LIMCH1: variants seen among roughly 807,000 people sequenced by gnomAD.
LIMCH1 encodes the protein LIM and calponin homology domains-containing protein 1.
A neutral mutation model predicts 176.5 loss-of-function variants in LIMCH1; 113 were observed. The ratio of observed to expected loss-of-function variants is 0.64; its 90% CI spans 0.55 to 0.75. LIMCH1 has a LOEUF of 0.75. LIMCH1 is among the 30% of genes least tolerant of loss of function. LIMCH1 has a pLI of 0.00. For synonymous variants in LIMCH1, 619 were observed against 645.9 expected, an observed-to-expected ratio of 0.96 and a Z score of 0.63; for missense variants, 1,674 against 1,814.9, an observed-to-expected ratio of 0.92 and a Z score of 1.41.
intron 2 of LIMCH1, among the ~76,000 whole-genome samples, chr4:41,501,041 G>A (rs1283705667): frequency 1.3e-5 from 2 of 152,188 alleles, no homozygotes; most frequent in African/African-American, 4.8e-5. Flanking sequence ...CACCCCGGGA[G>A]ATGACATATT....
In LIMCH1 at chr4:41,631,353, A is replaced by G. The variant is rs760004532; in HGVS notation, c.1477A>G (p.Arg493Gly). Residue 493 changes from arginine (R) to glycine (G), a missense_variant, in exon 10 of 32, where the codon AGA becomes GGA. Arg to Gly is a moderately radical substitution (Grantham distance 125). Coordinates refer to ENST00000503057, the MANE Select transcript of LIMCH1 (RefSeq NM_001330672.2). Reference protein sequence around the residue: ...KRLSIGKAGPREDEEEVICHG... With the variant: ...KRLSIGKAGPGEDEEEVICHG... ...GCTTAGCATTGGCAAGGCTGGGCCT[A>G]GAGAGGATGAAGAAGAAGTCATCTG... The G allele has an allele frequency of 2.0e-6, 3 of 1,536,222 alleles. No homozygotes were observed. In the South Asian group the frequency reaches 3.6e-5, roughly 18 times the overall value.
chr4:41,658,590 C>T (rs2094526482), intron 18 of LIMCH1, among the ~76,000 whole-genome samples: 1 of 152,140 alleles, frequency 6.6e-6, no homozygotes, highest in African/African-American at 2.4e-5. Context: ...CATGAACTAT[C>T]TTATTTCATT....
intron 21 of LIMCH1, chr4:41,670,815 G>A (rs1388820417): frequency 8.5e-6 from 13 of 1,535,062 alleles, no homozygotes; most frequent in South Asian, 1.2e-5. Flanking sequence ...CTGGGTAGCT[G>A]TATTTCTTTT....
rs1473166906 is a variant in LIMCH1, at chr4:41,620,459, T to C, written c.494T>C (p.Val165Ala). Residue 165 changes from valine to alanine, a missense_variant, in exon 7 of 32, where the codon GTG becomes GCG. This residue lies in a region of LIMCH1 where 655 missense variants were observed against 692.2 expected (regional missense o/e 0.95). Transcript: ENST00000503057. ...PETIEEEGSE[V>A]GSAGEDNPAG... is the part of the protein sequence containing the mutation. ...ACGATAGAGGAAGAGGGGAGTGAAGTGGGGTCTGCTGGTGAAGACAACCCA... is the reference window on the plus strand; with the variant it reads ...ACGATAGAGGAAGAGGGGAGTGAAGCGGGGTCTGCTGGTGAAGACAACCCA... 1 of 1,536,104 alleles carries C rather than the reference T, an allele frequency of 6.5e-7. No homozygotes were observed. Among genetic ancestry groups the C allele is most frequent in the Non-Finnish European group, 8.7e-7 (1 of 1,146,916 alleles).
rs942072878 is a variant in LIMCH1 at position 41,631,137 on chromosome 4, G to A, written c.1272-11G>A. On this transcript the variant is annotated splice_polypyrimidine_tract_variant and intron_variant, in intron 9 of 31. Transcript: ENST00000503057. Reference sequence around the variant, plus strand: ...CAGACACTTTTAGAACTTATTTCTGGTTTTGACTAGGGATGGAGATGTTCA... The same window carrying A: ...CAGACACTTTTAGAACTTATTTCTGATTTTGACTAGGGATGGAGATGTTCA... 5 of 1,491,572 alleles carry A rather than the reference G, an allele frequency of 3.4e-6. No individual in the cohort carries two copies. Among genetic ancestry groups the A allele is most frequent in the Middle Eastern group, 3.5e-4 (2 of 5,764 alleles). The allele number at this position is 1,491,572 out of a possible 1,614,324, so 92.4% of individuals were successfully genotyped here.
At chr4:41,695,290 G>GTA (rs1181842139) in intron 31 of LIMCH1, among the ~76,000 whole-genome samples, 10 of 149,754 alleles carry the variant, frequency 6.7e-5, no homozygotes, top group Non-Finnish European at 1.5e-4. Flanking sequence ...CATTTAAAGT[G>GTA]TATAAATAAA....
At chr4:41,503,640 C>CA (rs1329001034) in intron 2 of LIMCH1, among the ~76,000 whole-genome samples, 1 of 152,122 alleles carries the variant, frequency 6.6e-6, no homozygotes, top group African/African-American at 2.4e-5. Flanking sequence ...CCTGTCCTGT[C>CA]AGGAGTCCAT....
chr4:41,409,464 G>A (rs1407490893), intron 1 of LIMCH1, among the ~76,000 whole-genome samples: 1 of 152,172 alleles, frequency 6.6e-6, no homozygotes, highest in East Asian at 1.9e-4. Context: ...GTCAGAAAAT[G>A]TATCTAGTGA....
chr4:41,507,536 A>G (rs1468812349), intron 2 of LIMCH1, among the ~76,000 whole-genome samples: 1 of 152,194 alleles, frequency 6.6e-6, no homozygotes, highest in African/African-American at 2.4e-5. Flanking sequence ...TCAGAGTAAA[A>G]AAATGCACCT....
In LIMCH1 at chr4:41,563,978, C is replaced by T. The variant is rs565189813; in HGVS notation, c.-241+25628C>T. Among the ~76,000 whole-genome samples the T allele has an allele frequency of 2.1e-4, 32 of 152,278 alleles. 1 individual carries two copies. The South Asian group carries it at 6.6e-3, about 32-fold the overall frequency. On this transcript the variant is annotated intron_variant, in intron 1 of 31. Coordinates refer to ENST00000503057, the MANE Select transcript of LIMCH1 (RefSeq NM_001330672.2). ...TCCTAGAGCAGGAGGATCCGTGGAA[C>T]TGTGTTCCCCCTCTCTGTTTTACAC...
chr4:41,436,491 A>G (rs2062093946), intron 1 of LIMCH1, among the ~76,000 whole-genome samples: 1 of 152,188 alleles, frequency 6.6e-6, no homozygotes, highest in Non-Finnish European at 1.5e-5. Context: ...GAGCCAGTTA[A>G]TGCTGTGAGA....
At chr4:41,468,269 TCTGCCCTGCCTGACTTGCCTTCC>T (rs2066437214) in intron 1 of LIMCH1, among the ~76,000 whole-genome samples, 1 of 94,074 alleles carries the variant, frequency 1.1e-5, no homozygotes, top group South Asian at 6.0e-4. Flanking sequence ...CTTTCTTCCT[TCTGCCCTGCCTGACTTGCCTTCC>T]CTGCCCTGCC....
intron 1 of LIMCH1, among the ~76,000 whole-genome samples, chr4:41,558,628 G>A (rs1238019578): frequency 6.6e-6 from 1 of 152,080 alleles, no homozygotes; most frequent in African/African-American, 2.4e-5. Context: ...CCTCACTGAA[G>A]CCCTGTTAGG....
In LIMCH1 at chr4:41,516,944, C is replaced by G. The variant is rs188005423; in HGVS notation, c.168-7465C>G. Among the ~76,000 whole-genome samples, 3 of 152,246 alleles carry G rather than the reference C, an allele frequency of 2.0e-5. No homozygotes were observed. In the East Asian group the frequency reaches 5.8e-4, roughly 29 times the overall value. Reference sequence around the variant, plus strand: ...GTTTGCCTGGGTATTGGAGAAAGGCCTCCTGCAGAGATATAACAGTCAAGA... The same window carrying G: ...GTTTGCCTGGGTATTGGAGAAAGGCGTCCTGCAGAGATATAACAGTCAAGA... On this transcript the variant is annotated intron_variant, in intron 2 of 26. Transcript: ENST00000313860.
chr4:41,613,653 G>T lies in LIMCH1; in HGVS notation c.197G>T (p.Ser66Ile). Residue 66 changes from serine to isoleucine, a missense_variant, in exon 5 of 32, where the codon AGC becomes ATC. Physicochemically the swap from Ser to Ile is moderately radical, Grantham distance 142 (BLOSUM62 -2). Coordinates refer to ENST00000503057, the MANE Select transcript of LIMCH1 (RefSeq NM_001330672.2). ...TPSPDVVLRG[S>I]SDGRGSDSES... Reference sequence around the variant, plus strand: ...TCACCAGATGTAGTCCTCAGGGGAAGCAGCGATGGTAGGTTGGAGTCTTAA... The same window carrying T: ...TCACCAGATGTAGTCCTCAGGGGAATCAGCGATGGTAGGTTGGAGTCTTAA... 4 of 1,613,964 alleles carry T rather than the reference G, an allele frequency of 2.5e-6. No homozygotes were observed. Among genetic ancestry groups the T allele is most frequent in the Non-Finnish European group, 3.4e-6 (4 of 1,179,836 alleles).
At chr4:41,361,566 C>T (rs1185326260) in intron 1 of LIMCH1, among the ~76,000 whole-genome samples, 1 of 152,210 alleles carries the variant, frequency 6.6e-6, no homozygotes, top group African/African-American at 2.4e-5. Context: ...CTTTGGCAAC[C>T]CCCGCCCCTC....
intron 29 of LIMCH1, among the ~76,000 whole-genome samples, chr4:41,688,518 T>C (rs1722734449): frequency 3.9e-5 from 6 of 152,246 alleles, no homozygotes; most frequent in Admixed American, 3.9e-4. Flanking sequence ...ATTGGGGAAC[T>C]CTTCCTCTTT....
intron 1 of LIMCH1, among the ~76,000 whole-genome samples, chr4:41,409,556 A>G (rs934409616): frequency 4.6e-5 from 7 of 152,230 alleles, no homozygotes; most frequent in Admixed American, 1.3e-4. Flanking sequence ...TGCTATAATT[A>G]AAAAGCTGCC....
chr4:41,483,955 G>C (rs1266711317), intron 1 of LIMCH1, among the ~76,000 whole-genome samples: 1 of 152,198 alleles, frequency 6.6e-6, no homozygotes, highest in Non-Finnish European at 1.5e-5. Context: ...TTTTTTACTA[G>C]TTTTGAGCCC....
Sources: gnomAD v4.1 joint callset for allele counts (sites outside exome capture counted in the v4.1 genomes callset) on GRCh38, gnomAD v4.1.1 for gene constraint, gnomAD v4.1.1 regional missense constraint, MANE v1.5 for transcripts, NCBI Gene and HGNC (gene_info 2026-07-23, HGNC 2026-07-21) for gene names.